ZBTB7C: variants seen among roughly 807,000 people sequenced by gnomAD.
ZBTB7C encodes the protein zinc finger and BTB domain-containing protein 7C.
In ZBTB7C, 8 loss-of-function variants were observed where a neutral mutation model predicts 25.7. The observed-to-expected ratio is 0.31, with a 90% CI of 0.18 to 0.56. The LOEUF (loss-of-function observed/expected upper bound fraction) is 0.56. Ranked by LOEUF, ZBTB7C falls within the 20% of genes least tolerant of loss-of-function variation. The pLI, the probability that ZBTB7C is intolerant of heterozygous loss-of-function variation, is 0.91. For missense variants in ZBTB7C, 824 were observed against 855.2 expected (o/e 0.96, Z 0.46); for synonymous variants, 394 against 369.0 (o/e 1.07, Z -0.78).
intron 1 of ZBTB7C, among the ~76,000 whole-genome samples, chr18:48,398,318 G>C (rs1311092938): frequency 6.6e-6 from 1 of 152,230 alleles, no homozygotes; most frequent in African/African-American, 2.4e-5. Flanking sequence ...CTGAGAGAAA[G>C]AGTTTTGCTT....
intron 2 of ZBTB7C, among the ~76,000 whole-genome samples, chr18:48,295,234 G>A (rs1040942617): frequency 2.0e-5 from 3 of 152,154 alleles, no homozygotes; most frequent in Non-Finnish European, 4.4e-5. Context: ...GGTGGGCCTG[G>A]GAATATGCAT....
chr18:48,142,069 A>C (rs2040366170), intron 3 of ZBTB7C, among the ~76,000 whole-genome samples: 1 of 152,210 alleles, frequency 6.6e-6, no homozygotes, highest in Non-Finnish European at 1.5e-5. Context: ...CACCGAGTTT[A>C]CCCAAATCTG....
At chr18:48,219,130 G>T (rs2042892960) in intron 2 of ZBTB7C, among the ~76,000 whole-genome samples, 1 of 152,180 alleles carries the variant, frequency 6.6e-6, no homozygotes, top group African/African-American at 2.4e-5. Context: ...GCTGGGTAAA[G>T]CCTCCTGTTT....
At chr18:48,119,399 G>T (rs2039551380) in intron 3 of ZBTB7C, among the ~76,000 whole-genome samples, 1 of 152,248 alleles carries the variant, frequency 6.6e-6, no homozygotes, top group Non-Finnish European at 1.5e-5. Context: ...GCGAGTCTTT[G>T]TTCCTACTGC....
At chr18:48,123,953 G>A (rs1412907876) in intron 3 of ZBTB7C, among the ~76,000 whole-genome samples, 1 of 152,182 alleles carries the variant, frequency 6.6e-6, no homozygotes, top group Middle Eastern at 3.2e-3. Context: ...GACAAGAGGT[G>A]ATGTAGCCTG....
At chr18:48,227,809 G>A (rs567692201) in intron 2 of ZBTB7C, among the ~76,000 whole-genome samples, 28 of 152,288 alleles carry the variant, frequency 1.8e-4, no homozygotes, top group Admixed American at 4.6e-4. Flanking sequence ...TGCCTGGAAG[G>A]TATTATAATT....
rs182103363 is a variant in ZBTB7C, at chr18:48,209,417, G to C, written c.-78-23422C>G. ...ACAAACTTAAATTTTAGTTGTGCTA[G>C]GAAGACACAAAGTTACCAAAAGTCA... On this transcript the variant is annotated intron_variant, in intron 2 of 4. Coordinates refer to ENST00000590800, the MANE Select transcript of ZBTB7C (RefSeq NM_001318841.2). Among the ~76,000 whole-genome samples the C allele has an allele frequency of 2.0e-5, 3 of 152,260 alleles. No homozygotes were observed. The East Asian group carries it at 5.8e-4, about 29-fold the overall frequency.
intron 3 of ZBTB7C, among the ~76,000 whole-genome samples, chr18:48,178,399 C>A (rs1233062218): frequency 1.3e-5 from 2 of 152,206 alleles, no homozygotes; most frequent in African/African-American, 4.8e-5. Context: ...GCCTCTTCTG[C>A]CTGCTGCTTC....
chr18:48,160,935 G>GTTTT (rs59824886), intron 3 of ZBTB7C, among the ~76,000 whole-genome samples: 75 of 136,898 alleles, frequency 5.5e-4, no homozygotes, highest in African/African-American at 1.8e-3. Flanking sequence ...TTTGAGACAA[G>GTTTT]TTTTTTTTTT....
chr18:48,266,688 G>A (rs922769486), intron 2 of ZBTB7C, among the ~76,000 whole-genome samples: 2 of 152,164 alleles, frequency 1.3e-5, no homozygotes, highest in African/African-American at 4.8e-5. Flanking sequence ...CAAGCTTCTG[G>A]CCACTTCATT....
At chr18:48,380,926 GA>G (rs1225177115) in intron 1 of ZBTB7C, among the ~76,000 whole-genome samples, 1 of 152,050 alleles carries the variant, frequency 6.6e-6, no homozygotes, top group Non-Finnish European at 1.5e-5. Flanking sequence ...TTATTTAAAA[GA>G]AAAAAACTCC....
At chr18:48,212,727 C>T (rs749714344) in intron 2 of ZBTB7C, among the ~76,000 whole-genome samples, 6 of 152,036 alleles carry the variant, frequency 3.9e-5, no homozygotes, top group Non-Finnish European at 8.8e-5. Context: ...TGATTCATAG[C>T]TGAGTGGCTG....
chr18:48,208,132 T>C (rs926994715), intron 2 of ZBTB7C, among the ~76,000 whole-genome samples: 6 of 152,148 alleles, frequency 3.9e-5, no homozygotes. Context: ...AGAGCTGGCC[T>C]TGGTGGCCTT....
intron 1 of ZBTB7C, among the ~76,000 whole-genome samples, chr18:48,343,850 T>G (rs1225533316): frequency 6.6e-6 from 1 of 152,218 alleles, no homozygotes; most frequent in Non-Finnish European, 1.5e-5. Flanking sequence ...ACCTGCAGAT[T>G]GTTCCACTGG....
chr18:48,057,072 C>CAAAAAA (rs2036947623), intron 3 of ZBTB7C, among the ~76,000 whole-genome samples: 1 of 126,814 alleles, frequency 7.9e-6, no homozygotes, highest in African/African-American at 3.3e-5. Flanking sequence ...AAAAAAAAAC[C>CAAAAAA]AACCCATGAA....
intron 1 of ZBTB7C, among the ~76,000 whole-genome samples, chr18:48,342,974 C>T (rs971074329): frequency 3.3e-5 from 5 of 152,122 alleles, no homozygotes; most frequent in Admixed American, 1.3e-4. Context: ...CTTAGTGACC[C>T]GACAGTACCT....
chr18:48,204,331 T>A (rs2042529080), intron 2 of ZBTB7C, among the ~76,000 whole-genome samples: 1 of 152,132 alleles, frequency 6.6e-6, no homozygotes, highest in Non-Finnish European at 1.5e-5. Flanking sequence ...TCCACACGGA[T>A]CTTTTTACCT....
intron 2 of ZBTB7C, among the ~76,000 whole-genome samples, chr18:48,299,248 G>A (rs1008506117): frequency 4.4e-4 from 67 of 152,096 alleles, no homozygotes; most frequent in African/African-American, 1.5e-3. Flanking sequence ...CTCATGCAGG[G>A]AAAAAAACTT....
At chr18:48,049,543 TC>T (rs1290540023) in intron 3 of ZBTB7C, among the ~76,000 whole-genome samples, 1 of 152,140 alleles carries the variant, frequency 6.6e-6, no homozygotes, top group Non-Finnish European at 1.5e-5. Flanking sequence ...AGCTTTGAAA[TC>T]ACAAAAGGCA....
Sources: gnomAD v4.1 joint callset for allele counts (sites outside exome capture counted in the v4.1 genomes callset) on GRCh38, gnomAD v4.1.1 for gene constraint, MANE v1.5 for transcripts, NCBI Gene and HGNC (gene_info 2026-07-23, HGNC 2026-07-21) for gene names.